ARB2A: variants seen among roughly 807,000 people sequenced by gnomAD.
ARB2A encodes cotranscriptional regulator ARB2A.
the ARB2A span, among the ~76,000 whole-genome samples, chr5:94,065,314 G>A: frequency 6.6e-6 from 1 of 152,190 alleles, no homozygotes; most frequent in South Asian, 2.1e-4. Flanking sequence ...AGGAGTTTGT[G>A]ACTAGCCTGG....
At chr5:94,092,957 A>G in the ARB2A span, among the ~76,000 whole-genome samples, 1 of 152,204 alleles carries the variant, frequency 6.6e-6, no homozygotes, top group Non-Finnish European at 1.5e-5. Flanking sequence ...TAGAAGGTAA[A>G]TATTTTCAAT....
the ARB2A span, chr5:93,735,319 T>C: frequency 6.6e-6 from 1 of 152,236 alleles, no homozygotes; most frequent in Admixed American, 6.5e-5. Context: ...ATCTTTTAAA[T>C]TATGTGAAGC....
At chr5:93,829,053 A>G in the ARB2A span, among the ~76,000 whole-genome samples, 2 of 152,166 alleles carry the variant, frequency 1.3e-5, no homozygotes, top group African/African-American at 4.8e-5. Context: ...CTGGGATTAC[A>G]GGCATGAGCC....
the ARB2A span, among the ~76,000 whole-genome samples, chr5:93,841,312 A>T: frequency 6.6e-6 from 1 of 152,188 alleles, no homozygotes. Flanking sequence ...ACATGGCCAG[A>T]CTTTATTTTC....
the ARB2A span, among the ~76,000 whole-genome samples, chr5:94,039,858 C>T: frequency 2.0e-5 from 3 of 152,054 alleles, no homozygotes; most frequent in Non-Finnish European, 4.4e-5. Context: ...AGAGATGATA[C>T]TGAAGAACCA....
At chr5:93,877,550 C>G in the ARB2A span, among the ~76,000 whole-genome samples, 4 of 151,930 alleles carry the variant, frequency 2.6e-5, no homozygotes, top group Non-Finnish European at 5.9e-5. Context: ...AATGCCAAAA[C>G]ATATAAAGCA....
chr5:94,087,017 C>G, the ARB2A span, among the ~76,000 whole-genome samples: 43 of 152,214 alleles, frequency 2.8e-4, 1 homozygote, highest in East Asian at 7.5e-3. Flanking sequence ...CGTTGCTGGC[C>G]TGAAGATCTT....
chr5:94,046,347 G>A, the ARB2A span, among the ~76,000 whole-genome samples: 1 of 151,944 alleles, frequency 6.6e-6, no homozygotes, highest in Non-Finnish European at 1.5e-5. Context: ...TCATCTAACT[G>A]TGCTCCAAGA....
At chr5:93,900,869 T>C in the ARB2A span, among the ~76,000 whole-genome samples, 1 of 152,178 alleles carries the variant, frequency 6.6e-6, no homozygotes, top group Non-Finnish European at 1.5e-5. Context: ...ATTCTAGGAT[T>C]AGTTGCCTTA....
At chr5:93,855,755 ATTCTT>A in the ARB2A span, among the ~76,000 whole-genome samples, 4 of 152,310 alleles carry the variant, frequency 2.6e-5, no homozygotes, top group Admixed American at 2.6e-4. Flanking sequence ...TGGGTTGAAA[ATTCTT>A]TTCTTTAAGA....
At chr5:93,727,873 G>A in the ARB2A span, among the ~76,000 whole-genome samples, 1 of 152,052 alleles carries the variant, frequency 6.6e-6, no homozygotes. Flanking sequence ...CAGGACTCAT[G>A]TGTTTATTCA....
chr5:93,896,522 C>T, the ARB2A span, among the ~76,000 whole-genome samples: 2 of 151,936 alleles, frequency 1.3e-5, no homozygotes, highest in Non-Finnish European at 2.9e-5. Flanking sequence ...TATGTATATG[C>T]AAATACTGCA....
chr5:93,715,407 A>ATGACAGTT, the ARB2A span, among the ~76,000 whole-genome samples: 17 of 152,324 alleles, frequency 1.1e-4, no homozygotes, highest in Non-Finnish European at 2.4e-4. Context: ...AACATGTGTT[A>ATGACAGTT]CTGCAGTTCT....
chr5:93,624,388 T>A, the ARB2A span, among the ~76,000 whole-genome samples: 4 of 152,306 alleles, frequency 2.6e-5, no homozygotes, highest in South Asian at 8.3e-4. Flanking sequence ...ATAATTTTCC[T>A]AATTTAGAGA....
the ARB2A span, among the ~76,000 whole-genome samples, chr5:93,840,127 T>C: frequency 6.6e-6 from 1 of 152,198 alleles, no homozygotes; most frequent in Non-Finnish European, 1.5e-5. Context: ...AACTTTTTGA[T>C]GTGGGTATTT....
At chr5:93,622,907 T>C in the ARB2A span, among the ~76,000 whole-genome samples, 1 of 152,214 alleles carries the variant, frequency 6.6e-6, no homozygotes, top group South Asian at 2.1e-4. Context: ...ACATAACATC[T>C]AGATATTATT....
the ARB2A span, among the ~76,000 whole-genome samples, chr5:93,704,395 C>T: frequency 6.6e-6 from 1 of 151,986 alleles, no homozygotes; most frequent in East Asian, 1.9e-4. Context: ...CTCTACAAAA[C>T]AAAACAAAAA....
At chr5:93,857,610 T>C in the ARB2A span, among the ~76,000 whole-genome samples, 2 of 152,172 alleles carry the variant, frequency 1.3e-5, no homozygotes, top group African/African-American at 4.8e-5. Context: ...TATAATCTCC[T>C]GGTGCGCCGT....
At chr5:93,759,546 C>T in the ARB2A span, among the ~76,000 whole-genome samples, 2 of 152,254 alleles carry the variant, frequency 1.3e-5, no homozygotes, top group African/African-American at 4.8e-5. Flanking sequence ...AGAGAATCCA[C>T]CATGATCACG....
Sources: allele counts gnomAD v4.1 joint callset (sites outside exome capture counted in the v4.1 genomes callset), GRCh38; gene constraint gnomAD v4.1.1; transcripts MANE v1.5; gene names NCBI Gene and HGNC (gene_info 2026-07-23, HGNC 2026-07-21).